Variants in NIM1K observed in about 807,000 individuals in gnomAD.
NIM1K encodes serine/threonine-protein kinase NIM1.
A neutral mutation model predicts 37.1 loss-of-function variants in NIM1K; 35 were observed. The ratio of observed to expected loss-of-function variants is 0.94; its 90% CI spans 0.72 to 1.25. NIM1K has a LOEUF of 1.25. Among genes scored for constraint, NIM1K ranks in the 50% most tolerant of loss-of-function variants. The pLI, the probability that NIM1K is intolerant of heterozygous loss-of-function variation, is 0.00. For synonymous variants in NIM1K, 234 were observed against 206.6 expected (o/e 1.13, Z -1.14); for missense variants, 564 against 548.0 (o/e 1.03, Z -0.29).
chr5:43,274,514 G>A (rs969592558), intron 2 of NIM1K, among the ~76,000 whole-genome samples: 4 of 152,194 alleles, frequency 2.6e-5, no homozygotes, highest in African/African-American at 9.7e-5. Context: ...CCAGGTTTCT[G>A]TTTCAGATAA....
chr5:43,237,542 T>C (rs6867229), intron 1 of NIM1K, among the ~76,000 whole-genome samples: 11,060 of 152,242 alleles, frequency 0.073, 841 homozygotes, highest in African/African-American at 0.2. Context: ...TAATTAGGTA[T>C]GTGATCACTT....
At chr5:43,233,006 C>A in intron 1 of NIM1K, 4 of 1,193,110 alleles carry the variant, frequency 3.4e-6, no homozygotes, top group Non-Finnish European at 5.0e-6. Flanking sequence ...TTGCCGGAGC[C>A]CGTCTCACTG....
chr5:43,245,696 C>A lies in NIM1K; in HGVS notation c.-80C>A. The A allele has an allele frequency of 1.5e-6, 2 of 1,366,468 alleles. No homozygotes were observed. Among genetic ancestry groups the A allele is most frequent in the Non-Finnish European group, 2.0e-6 (2 of 1,004,662 alleles). The allele number at this position is 1,366,468 out of a possible 1,614,324, so 84.6% of individuals were successfully genotyped here. A position where few individuals can be genotyped will look rare whatever the true frequency, so the allele number is the denominator to read the frequency against. On this transcript the variant is annotated 5_prime_UTR_variant, in exon 2 of 4. Transcript: ENST00000326035. ...CTGGGCACCTGCTGTCCTCAGTTGG[C>A]ATCTCCCACCCTCTGAGCCTCTTCT...
At chr5:43,258,061 G>T (rs182477674) in intron 2 of NIM1K, among the ~76,000 whole-genome samples, 2 of 152,222 alleles carry the variant, frequency 1.3e-5, no homozygotes, top group Admixed American at 6.5e-5. Flanking sequence ...AACACTTCTG[G>T]TACTCAGAGC....
At chr5:43,215,664 C>T (rs770382258) in intron 1 of NIM1K, among the ~76,000 whole-genome samples, 46 of 152,184 alleles carry the variant, frequency 3.0e-4, no homozygotes, top group Non-Finnish European at 5.6e-4. Context: ...CAGTCCCTGA[C>T]CGCAAGTGAT....
intron 1 of NIM1K, among the ~76,000 whole-genome samples, chr5:43,217,488 A>G (rs1330223392): frequency 6.8e-6 from 1 of 146,928 alleles, no homozygotes; most frequent in Non-Finnish European, 1.5e-5. Context: ...AAAGTCCTGC[A>G]CCATATTACG....
chr5:43,228,619 A>T (rs1752493799), intron 1 of NIM1K, among the ~76,000 whole-genome samples: 1 of 151,326 alleles, frequency 6.6e-6, no homozygotes, highest in Admixed American at 6.6e-5. Context: ...GAACCCAGGA[A>T]TTCAAGACCA....
At position 43,277,117 on chromosome 5, in the gene NIM1K, T is replaced by C. The variant is rs1753353908; in HGVS notation, c.353T>C (p.Leu118Pro). ...TTAGACCAGAAAACCCAGAGGCTAC[T>C]ATCCCGAGAAATCTCCAGCATGGAA... ...TKLDQKTQRL[L>P]SREISSMEKL... The change falls in exon 3 of 4, where the codon CTA becomes CCA. Residue 118 changes from leucine to proline, a missense_variant. Coordinates refer to ENST00000326035, the MANE Select transcript of NIM1K (RefSeq NM_153361.4). 1 of 1,614,170 alleles carries C rather than the reference T, an allele frequency of 6.2e-7. No homozygotes were observed. Among genetic ancestry groups the C allele is most frequent in the Non-Finnish European group, 8.5e-7 (1 of 1,180,012 alleles).
intron 2 of NIM1K, among the ~76,000 whole-genome samples, chr5:43,271,245 CT>C (rs1352449367): frequency 1.3e-5 from 2 of 152,048 alleles, no homozygotes; most frequent in Non-Finnish European, 2.9e-5. Flanking sequence ...TCTCCAGCCT[CT>C]TTTTTGGCTT....
intron 2 of NIM1K, among the ~76,000 whole-genome samples, chr5:43,261,992 T>C (rs1185192085): frequency 2.0e-5 from 3 of 152,206 alleles, no homozygotes; most frequent in Non-Finnish European, 2.9e-5. Flanking sequence ...ACCAGTACCA[T>C]GCTGTTTTGG....
intron 1 of NIM1K, chr5:43,207,039 A>C (rs1752124105): frequency 6.8e-6 from 5 of 734,358 alleles, no homozygotes; most frequent in South Asian, 2.9e-5. Flanking sequence ...AAGTTCGAGG[A>C]GGAGCCATCA....
At chr5:43,206,054 C>T (rs574521052) in intron 1 of NIM1K, among the ~76,000 whole-genome samples, 1 of 152,136 alleles carries the variant, frequency 6.6e-6, no homozygotes, top group South Asian at 2.1e-4. Context: ...CCTACCATAT[C>T]CTAGGTTGCA....
At chr5:43,232,381 G>C in intron 1 of NIM1K, 1 of 1,390,268 alleles carries the variant, frequency 7.2e-7, no homozygotes, top group Non-Finnish European at 1.0e-6. Context: ...GGAAGTGGAT[G>C]GGGGGATAGG....
intron 3 of NIM1K, 147 bp downstream of exon 3, chr5:43,277,472 TG>T: frequency 1.2e-6 from 1 of 830,350 alleles, no homozygotes. Flanking sequence ...GAAGTCTGGC[TG>T]GGATCATGCT....
At position 43,206,580 on chromosome 5, in the gene NIM1K, T is replaced by C. The variant is rs142471743; in HGVS notation, c.-695+14169T>C. On this transcript the variant is annotated intron_variant, in intron 1 of 3. Transcript: ENST00000326035. Reference sequence around the variant, plus strand: ...AGTAAATTAGGAGGGTCTTGAAGGCTGAATAAGAAACGAGCAAGTGCTAGT... The same window carrying C: ...AGTAAATTAGGAGGGTCTTGAAGGCCGAATAAGAAACGAGCAAGTGCTAGT... The C allele has an allele frequency of 1.1e-3, 582 of 552,084 alleles. 3 individuals are homozygous for C. The highest frequency in any genetic ancestry group is 0.01 in the African/African-American group (542 of 52,176). 34.2% of individuals were successfully genotyped at this position (552,084 alleles called of 1,614,324 possible).
intron 3 of NIM1K, among the ~76,000 whole-genome samples, chr5:43,277,946 T>C (rs1025198523): frequency 1.3e-5 from 2 of 151,966 alleles, no homozygotes; most frequent in Admixed American, 1.3e-4. Context: ...GGTTGTGTCT[T>C]TCTTTTTTCC....
At chr5:43,269,068 G>A (rs1753214260) in intron 2 of NIM1K, among the ~76,000 whole-genome samples, 1 of 151,950 alleles carries the variant, frequency 6.6e-6, no homozygotes. Context: ...CAGCACTTTG[G>A]GAGGCTGAGG....
chr5:43,271,279 T>C (rs1670089986), intron 2 of NIM1K, among the ~76,000 whole-genome samples: 1 of 152,144 alleles, frequency 6.6e-6, no homozygotes, highest in African/African-American at 2.4e-5. Context: ...CTTCCCCGTA[T>C]GCCAGCCCTA....
intron 1 of NIM1K, among the ~76,000 whole-genome samples, chr5:43,230,261 GTGGCTCTGCAATTCTCAGCACA>G (rs1397388712): frequency 2.0e-5 from 3 of 152,070 alleles, no homozygotes; most frequent in Admixed American, 1.3e-4. Flanking sequence ...CTCCTTCTCG[GTGGCTCTGCAATTCTCAGCACA>G]TGGCTTCCAT....
Sources: allele counts gnomAD v4.1 joint callset (sites outside exome capture counted in the v4.1 genomes callset), GRCh38; gene constraint gnomAD v4.1.1; transcripts MANE v1.5; gene names NCBI Gene and HGNC (gene_info 2026-07-23, HGNC 2026-07-21).